The following ABI1 variants were observed in gnomAD, a reference collection of about 807,000 sequenced individuals.
ABI1 encodes Abelson interactor 1.
ABI1 carries 14 observed loss-of-function variants against 54.6 expected under a neutral mutation model. That is an observed-to-expected ratio of 0.26 (90% CI 0.17 to 0.40). The LOEUF (loss-of-function observed/expected upper bound fraction) is 0.40. ABI1 is among the 10% of genes least tolerant of loss of function. The probability of loss-of-function intolerance (pLI) is 1.00; values close to 1 mark genes in which losing one functional copy is unlikely to be tolerated. For synonymous variants in ABI1, 194 were observed against 209.3 expected (o/e 0.93, Z 0.63); for missense variants, 443 against 598.3 (o/e 0.74, Z 2.71).
intron 1 of ABI1, among the ~76,000 whole-genome samples, chr10:26,834,595 A>AC (rs2048916256): frequency 4.6e-5 from 7 of 150,760 alleles, no homozygotes; most frequent in African/African-American, 1.5e-4. Context: ...ACACACACAC[A>AC]AAAGAAGACA....
chr10:26,785,746 C>T (rs1842663988), intron 2 of ABI1, among the ~76,000 whole-genome samples: 1 of 151,576 alleles, frequency 6.6e-6, no homozygotes, highest in Non-Finnish European at 1.5e-5. Context: ...AAAAAGTCAT[C>T]TCCCTCCAGG....
At chr10:26,818,694 C>T (rs966308292) in intron 2 of ABI1, among the ~76,000 whole-genome samples, 8 of 146,946 alleles carry the variant, frequency 5.4e-5, no homozygotes, top group Admixed American at 6.8e-5. Flanking sequence ...AAAGAAAATG[C>T]GTGACACAAG....
At chr10:26,842,011 A>G (rs1193813757) in intron 1 of ABI1, among the ~76,000 whole-genome samples, 2 of 151,870 alleles carry the variant, frequency 1.3e-5, no homozygotes, top group Non-Finnish European at 2.9e-5. Flanking sequence ...CCTCCATACT[A>G]TTTTCCATCA....
intron 2 of ABI1, among the ~76,000 whole-genome samples, chr10:26,801,949 A>C (rs2046592386): frequency 6.6e-6 from 1 of 152,272 alleles, no homozygotes; most frequent in East Asian, 1.9e-4. Context: ...ATGAAGGGAA[A>C]GTATAGGATG....
At chr10:26,844,036 T>C (rs2049792033) in intron 1 of ABI1, among the ~76,000 whole-genome samples, 1 of 152,234 alleles carries the variant, frequency 6.6e-6, no homozygotes, top group Non-Finnish European at 1.5e-5. Flanking sequence ...ACACGGTTTC[T>C]ATTTTCAAAT....
chr10:26,829,081 C>G (rs1295630294), intron 1 of ABI1, among the ~76,000 whole-genome samples: 1 of 152,050 alleles, frequency 6.6e-6, no homozygotes, highest in Non-Finnish European at 1.5e-5. Context: ...AAAAAATTAG[C>G]CGGGCGCAGT....
intron 2 of ABI1, among the ~76,000 whole-genome samples, chr10:26,798,879 C>G (rs2046366945): frequency 6.6e-6 from 1 of 151,502 alleles, no homozygotes; most frequent in Non-Finnish European, 1.5e-5. Flanking sequence ...GCTTACAACA[C>G]AAATTTACAA....
rs140312076 is a variant in ABI1 at position 26,844,450 on chromosome 10, T to C, written c.117+16297A>G. 1.5e-3 allele frequency among the ~76,000 whole-genome samples: 231 copies of C among 152,304 alleles called. 1 individual carries two copies. Among genetic ancestry groups the C allele is most frequent in the African/African-American group, 5.3e-3 (221 of 41,566 alleles). ...AGAAGGTTATGATAGAACATCAAAA[T>C]TAACATCAAAAGACATGCACCTCAT... On this transcript the variant is annotated intron_variant, in intron 1 of 10. Transcript: ENST00000376140.
chr10:26,772,365 T>A (rs907048950), intron 3 of ABI1, among the ~76,000 whole-genome samples: 8 of 152,228 alleles, frequency 5.3e-5, no homozygotes, highest in African/African-American at 1.9e-4. Flanking sequence ...TATCTTATAA[T>A]GTATATACAT....
rs11369827 is a variant in ABI1, at chr10:26,855,970, C to CAA, written c.117+4775_117+4776dup. 2.8e-3 allele frequency among the ~76,000 whole-genome samples: 229 copies of CAA among 80,534 alleles called. 3 individuals carry two copies. The highest frequency in any genetic ancestry group is 9.4e-3 in the Middle Eastern group (1 of 106). The allele number at this position is 80,534 out of a possible 152,430, so 52.8% of individuals were successfully genotyped here. A position where few individuals can be genotyped will look rare whatever the true frequency, so the allele number is the denominator to read the frequency against. On this transcript the variant is annotated intron_variant, in intron 1 of 10. Transcript: ENST00000376140. The stretch of plus-strand genomic sequence containing the variant: ...TGGGTGACAGAGCAAGACTCCATCT[C>CAA]AAAAAAAAAAAAAAAAAAAAAGAAC...
intron 1 of ABI1, among the ~76,000 whole-genome samples, chr10:26,846,857 C>T (rs575413089): frequency 2.0e-5 from 3 of 152,216 alleles, no homozygotes; most frequent in South Asian, 2.1e-4. Context: ...TCCCTTCCCC[C>T]AAATGTTCTC....
intron 2 of ABI1, among the ~76,000 whole-genome samples, chr10:26,786,559 T>C (rs779727087): frequency 6.6e-6 from 1 of 152,138 alleles, no homozygotes; most frequent in South Asian, 2.1e-4. Flanking sequence ...TTCTAATAGG[T>C]CCAGCACTAG....
intron 1 of ABI1, among the ~76,000 whole-genome samples, chr10:26,842,551 G>A (rs907122538): frequency 6.6e-6 from 1 of 152,100 alleles, no homozygotes; most frequent in Non-Finnish European, 1.5e-5. Context: ...CAGAGCCTGA[G>A]ACCCAATCTA....
chr10:26,754,732 G>T (rs1015820640), intron 9 of ABI1, among the ~76,000 whole-genome samples: 4 of 152,116 alleles, frequency 2.6e-5, no homozygotes, highest in Non-Finnish European at 5.9e-5. Flanking sequence ...CATGGTGATG[G>T]TCCAAATGAA....
At chr10:26,791,080 A>C (rs964406651) in intron 2 of ABI1, among the ~76,000 whole-genome samples, 9 of 151,396 alleles carry the variant, frequency 5.9e-5, no homozygotes, top group South Asian at 2.1e-4. Context: ...AAAAAAAAAA[A>C]AAAAAAAAAA....
chr10:26,764,578 C>T (rs1229305558), intron 7 of ABI1, among the ~76,000 whole-genome samples: 1 of 152,094 alleles, frequency 6.6e-6, no homozygotes, highest in Non-Finnish European at 1.5e-5. Flanking sequence ...TAATAAATGT[C>T]ATTCTTGACT....
At chr10:26,796,933 C>A (rs187527781) in intron 2 of ABI1, among the ~76,000 whole-genome samples, 1 of 152,088 alleles carries the variant, frequency 6.6e-6, no homozygotes, top group African/African-American at 2.4e-5. Flanking sequence ...ATAGGGTTTG[C>A]GCTCCTGTGA....
rs190132225 is a variant in ABI1, at chr10:26,786,196, A to G, written c.286-8955T>C. Among the ~76,000 whole-genome samples the G allele has an allele frequency of 2.1e-3, 322 of 150,878 alleles. 2 individuals carry two copies. The highest frequency in any genetic ancestry group is 3.3e-3 in the Non-Finnish European group (227 of 67,780). On this transcript the variant is annotated intron_variant, in intron 2 of 10. Transcript: ENST00000376140. ...GATGTTACAAAACGTAAAGAGCCCC[A>G]TTTTTGTAGAATGCCTCTCTACACT...
At position 26,760,888 on chromosome 10, in the gene ABI1, CAAAAAAAAAAAAA is replaced by C. The variant is rs57750390; in HGVS notation, c.821-1663_821-1651del. On this transcript the variant is annotated intron_variant, in intron 7 of 10. Transcript: ENST00000376140. ...TGAGTGACGGAGAAAGACTCCATCTCAAAAAAAAAAAAAAAAAAAAAAAAAAAAGAGTAAGCCT... is the reference window on the plus strand; with the variant it reads ...TGAGTGACGGAGAAAGACTCCATCTCAAAAAAAAAAAAAAAGAGTAAGCCT... Among the ~76,000 whole-genome samples, 14 of 49,444 alleles carry C rather than the reference CAAAAAAAAAAAAA, an allele frequency of 2.8e-4. No homozygotes were observed. The South Asian group carries it at 6.1e-3, about 22-fold the overall frequency. The allele number at this position is 49,444 out of a possible 152,430, so 32.4% of individuals were successfully genotyped here. A position where few individuals can be genotyped will look rare whatever the true frequency, so the allele number is the denominator to read the frequency against.
Sources: allele counts gnomAD v4.1 joint callset (sites outside exome capture counted in the v4.1 genomes callset), GRCh38; gene constraint gnomAD v4.1.1; transcripts MANE v1.5; gene names NCBI Gene and HGNC (gene_info 2026-07-23, HGNC 2026-07-21).